Variants in COL28A1 observed in about 807,000 individuals in gnomAD.
The protein encoded by COL28A1 is collagen type XXVIII alpha 1 chain.
In COL28A1, 161 loss-of-function variants were observed where a neutral mutation model predicts 150.2. The observed-to-expected ratio is 1.07, with a 90% CI of 0.94 to 1.22. COL28A1 has a LOEUF of 1.22. Among genes scored for constraint, COL28A1 ranks in the 50% most tolerant of loss-of-function variants. The pLI is 0.00. For missense variants in COL28A1, 1,617 were observed against 1,388.3 expected, an observed-to-expected ratio of 1.16 and a Z score of -2.62; for synonymous variants, 552 against 469.7, an observed-to-expected ratio of 1.18 and a Z score of -2.26.
chr7:7,472,657 GA>G (rs1562763720), intron 15 of COL28A1, among the ~76,000 whole-genome samples: 1 of 152,104 alleles, frequency 6.6e-6, no homozygotes, highest in East Asian at 1.9e-4. Flanking sequence ...ATTCTTCACA[GA>G]ATTAGACAAA....
chr7:7,361,554 T>C (rs1206609890), intron 33 of COL28A1, among the ~76,000 whole-genome samples: 10 of 152,230 alleles, frequency 6.6e-5, no homozygotes, highest in Admixed American at 5.9e-4. Flanking sequence ...TGAAATGGTA[T>C]CTCATTGTGG....
chr7:7,453,258 A>T (rs1786858167), intron 17 of COL28A1, among the ~76,000 whole-genome samples, 182 bp downstream of exon 17: 1 of 152,258 alleles, frequency 6.6e-6, no homozygotes, highest in Non-Finnish European at 1.5e-5. Context: ...GCTTTCTTAA[A>T]GCATAAAGAA....
chr7:7,517,465 T>C lies in COL28A1; in HGVS notation c.855+331A>G, dbSNP rs17521499. Among the ~76,000 whole-genome samples, 1,083 of 152,346 alleles carry C rather than the reference T, an allele frequency of 7.1e-3. 11 individuals carry two copies. The highest frequency in any genetic ancestry group is 0.015 in the Admixed American group (229 of 15,296). The stretch of plus-strand genomic sequence containing the variant: ...TTAGACCATGTAGTTCTTATGCTCC[T>C]GAAATTCTAACTTATTCTTTATCTT... On this transcript the variant is annotated intron_variant, in intron 7 of 34. Transcript: ENST00000399429.
intron 15 of COL28A1, among the ~76,000 whole-genome samples, chr7:7,468,546 C>T (rs1280066149): frequency 9.7e-6 from 1 of 103,388 alleles, no homozygotes; most frequent in East Asian, 2.9e-4. Flanking sequence ...GGAACTGGTA[C>T]CATTCCTTCT....
At chr7:7,340,291 ACTC>A in the COL28A1 span, among the ~76,000 whole-genome samples, 1 of 151,984 alleles carries the variant, frequency 6.6e-6, no homozygotes, top group Non-Finnish European at 1.5e-5. Context: ...TATCAAGAAA[ACTC>A]CTGTTTGAAC....
At chr7:7,482,933 G>T (rs1308540074) in intron 13 of COL28A1, among the ~76,000 whole-genome samples, 4 of 152,212 alleles carry the variant, frequency 2.6e-5, no homozygotes, top group African/African-American at 9.7e-5. Flanking sequence ...TTGTGTGGTG[G>T]GAAGAAGGCT....
chr7:7,371,624 C>G (rs536883761), intron 32 of COL28A1, among the ~76,000 whole-genome samples: 1 of 152,258 alleles, frequency 6.6e-6, no homozygotes, highest in South Asian at 2.1e-4. Context: ...ACAAACTTGC[C>G]AGGTACAGGC....
chr7:7,540,300 T>C (rs1583601064), upstream of COL28A1, among the ~76,000 whole-genome samples: 1 of 152,260 alleles, frequency 6.6e-6, no homozygotes, highest in African/African-American at 2.4e-5. Context: ...AAAATATTTC[T>C]ATTTTTCACT....
intron 10 of COL28A1, 96 bp downstream of exon 10, chr7:7,507,021 A>G (rs1270210696): frequency 1.4e-6 from 1 of 699,334 alleles, no homozygotes; most frequent in Non-Finnish European, 2.5e-6. Context: ...AGACATTCTG[A>G]TTTAACTGGC....
intron 26 of COL28A1, among the ~76,000 whole-genome samples, chr7:7,418,685 C>T (rs1784235538): frequency 6.6e-6 from 1 of 152,162 alleles, no homozygotes; most frequent in African/African-American, 2.4e-5. Flanking sequence ...CAGTCTTTTA[C>T]TTTCCAGTAT....
At chr7:7,449,010 T>A (rs1362581449) in intron 18 of COL28A1, among the ~76,000 whole-genome samples, 1 of 152,104 alleles carries the variant, frequency 6.6e-6, no homozygotes, top group Non-Finnish European at 1.5e-5. Flanking sequence ...GATGGTAACT[T>A]CTGAGGGTTA....
At chr7:7,501,429 T>C (rs890486161) in intron 11 of COL28A1, among the ~76,000 whole-genome samples, 1 of 152,184 alleles carries the variant, frequency 6.6e-6, no homozygotes, top group Non-Finnish European at 1.5e-5. Context: ...AGCTGCTTCC[T>C]GCACACGCCA....
At chr7:7,500,124 G>A (rs925871757) in intron 11 of COL28A1, among the ~76,000 whole-genome samples, 5 of 152,168 alleles carry the variant, frequency 3.3e-5, no homozygotes, top group African/African-American at 1.2e-4. Flanking sequence ...GTTCCCGACT[G>A]TTACATCCTT....
chr7:7,410,605 C>T (rs1006785571), intron 27 of COL28A1, among the ~76,000 whole-genome samples: 7 of 151,210 alleles, frequency 4.6e-5, no homozygotes, highest in Non-Finnish European at 8.8e-5. Flanking sequence ...AACTTGAATG[C>T]AGTGATTTTA....
chr7:7,516,148 G>A (rs1483049537), intron 7 of COL28A1, among the ~76,000 whole-genome samples: 1 of 152,214 alleles, frequency 6.6e-6, no homozygotes, highest in Non-Finnish European at 1.5e-5. Context: ...AGTCATTGTA[G>A]AAGTGATGGC....
chr7:7,419,800 C>T (rs1784294612), intron 26 of COL28A1, 85 bp downstream of exon 26: 9 of 817,756 alleles, frequency 1.1e-5, no homozygotes, highest in East Asian at 3.0e-5. Flanking sequence ...AACACCAAGA[C>T]GAACACTTAT....
chr7:7,538,890 A>G (rs529238222), upstream of COL28A1, among the ~76,000 whole-genome samples: 2 of 151,872 alleles, frequency 1.3e-5, no homozygotes, highest in South Asian at 4.1e-4. Context: ...CAAGGAAGAA[A>G]TTAATGACCT....
chr7:7,366,963 T>C (rs1780963069), intron 33 of COL28A1, among the ~76,000 whole-genome samples: 1 of 151,850 alleles, frequency 6.6e-6, no homozygotes, highest in South Asian at 2.1e-4. Flanking sequence ...GTATATACTA[T>C]GTGTGTGTGT....
chr7:7,513,738 C>G (rs1004429260), intron 8 of COL28A1, among the ~76,000 whole-genome samples: 1 of 152,218 alleles, frequency 6.6e-6, no homozygotes, highest in African/African-American at 2.4e-5. Flanking sequence ...AATTCACATT[C>G]CATTTGTCCA....
Sources: gnomAD v4.1 joint callset for allele counts (sites outside exome capture counted in the v4.1 genomes callset) on GRCh38, gnomAD v4.1.1 for gene constraint, MANE v1.5 for transcripts, NCBI Gene and HGNC (gene_info 2026-07-23, HGNC 2026-07-21) for gene names.